SLC24A2: variants seen among roughly 807,000 people sequenced by gnomAD.
SLC24A2 encodes the protein solute carrier family 24 member 2, also known as sodium/potassium/calcium exchanger 2.
In SLC24A2, 36 loss-of-function variants were observed where a neutral mutation model predicts 62.0. That is an observed-to-expected ratio of 0.58 (90% CI 0.44 to 0.77). SLC24A2 has a LOEUF of 0.77. SLC24A2 is among the 30% of genes least tolerant of loss of function. The pLI, the probability that SLC24A2 is intolerant of heterozygous loss-of-function variation, is 0.00. For missense variants in SLC24A2, 846 were observed against 817.9 expected (o/e 1.03, Z -0.42); for synonymous variants, 358 against 294.0 (o/e 1.22, Z -2.23).
the SLC24A2 span, among the ~76,000 whole-genome samples, chr9:19,963,249 T>C: frequency 4.1e-5 from 6 of 145,386 alleles, no homozygotes; most frequent in East Asian, 1.2e-3. Context: ...ATGTTAGACC[T>C]AAAACCATAA....
intron 2 of SLC24A2, among the ~76,000 whole-genome samples, chr9:19,724,388 G>C (rs1371760349): frequency 6.6e-6 from 1 of 152,250 alleles, no homozygotes; most frequent in Middle Eastern, 3.4e-3. Flanking sequence ...CATTATCTTT[G>C]AGAAAGGTGA....
At chr9:19,524,002 A>T (rs1036621505) in intron 9 of SLC24A2, among the ~76,000 whole-genome samples, 2 of 152,044 alleles carry the variant, frequency 1.3e-5, no homozygotes, top group African/African-American at 4.8e-5. Context: ...CACTCAAGTT[A>T]ACTTTTGTCA....
the SLC24A2 span, among the ~76,000 whole-genome samples, chr9:20,068,874 A>AT: frequency 6.6e-6 from 1 of 151,992 alleles, no homozygotes; most frequent in African/African-American, 2.4e-5. Context: ...TCTGGTTTCA[A>AT]TTTTTCATGT....
At chr9:19,755,763 C>A (rs764571479) in intron 2 of SLC24A2, among the ~76,000 whole-genome samples, 2 of 151,420 alleles carry the variant, frequency 1.3e-5, no homozygotes, top group African/African-American at 2.5e-5. Context: ...AGCCAACGTG[C>A]TAGTCAGAAC....
chr9:20,203,638 G>A, the SLC24A2 span, among the ~76,000 whole-genome samples: 9 of 151,742 alleles, frequency 5.9e-5, no homozygotes, highest in African/African-American at 1.5e-4. Flanking sequence ...GGGGCCAAGA[G>A]TTCAAGACCA....
At chr9:19,995,576 T>C in the SLC24A2 span, among the ~76,000 whole-genome samples, 1 of 152,208 alleles carries the variant, frequency 6.6e-6, no homozygotes, top group African/African-American at 2.4e-5. Context: ...TTAAGAATGA[T>C]CATAACTAAT....
At chr9:19,760,979 G>C (rs1822306054) in intron 2 of SLC24A2, among the ~76,000 whole-genome samples, 1 of 152,078 alleles carries the variant, frequency 6.6e-6, no homozygotes, top group East Asian at 1.9e-4. Flanking sequence ...AAGTTAAGGA[G>C]TGCATCACAC....
At chr9:20,158,984 C>G in the SLC24A2 span, among the ~76,000 whole-genome samples, 1 of 151,658 alleles carries the variant, frequency 6.6e-6, no homozygotes, top group East Asian at 2.0e-4. Context: ...GATCTTCAGA[C>G]AAAATGATCA....
At chr9:19,738,472 A>G (rs1197730029) in intron 2 of SLC24A2, among the ~76,000 whole-genome samples, 1 of 152,190 alleles carries the variant, frequency 6.6e-6, no homozygotes, top group Non-Finnish European at 1.5e-5. Context: ...ATGTTGGTCT[A>G]AAAGTGGTAT....
chr9:19,990,393 C>T, the SLC24A2 span, among the ~76,000 whole-genome samples: 18 of 151,960 alleles, frequency 1.2e-4, no homozygotes, highest in Admixed American at 7.2e-4. Context: ...GGGTGGATCA[C>T]GAGGTCAAGA....
At chr9:19,653,837 G>C (rs1402427726) in intron 2 of SLC24A2, among the ~76,000 whole-genome samples, 2 of 152,170 alleles carry the variant, frequency 1.3e-5, no homozygotes, top group East Asian at 3.8e-4. Context: ...AGTCTCACCT[G>C]CTGGCCCTCA....
chr9:20,149,710 T>G, the SLC24A2 span, among the ~76,000 whole-genome samples: 2 of 152,018 alleles, frequency 1.3e-5, no homozygotes, highest in African/African-American at 4.8e-5. Context: ...TTCCAACTAT[T>G]TAAAAATGTA....
At chr9:20,147,212 G>C in the SLC24A2 span, among the ~76,000 whole-genome samples, 1 of 152,130 alleles carries the variant, frequency 6.6e-6, no homozygotes, top group African/African-American at 2.4e-5. Context: ...ATTGCCTGGA[G>C]AAAGGTTATA....
Position 19,636,390 on chromosome 9 carries a change from C to CCTCTCTCTCT in SLC24A2, c.931-14101_931-14092dup, listed in dbSNP as rs199847385. Among the ~76,000 whole-genome samples, 117 of 67,020 alleles carry CCTCTCTCTCT rather than the reference C, an allele frequency of 1.7e-3. 9 individuals are homozygous for CCTCTCTCTCT. The highest frequency in any genetic ancestry group is 7.5e-3 in the Middle Eastern group (1 of 134). The allele number at this position is 67,020 out of a possible 152,430, so 44.0% of individuals were successfully genotyped here. On this transcript the variant is annotated intron_variant, in intron 2 of 10. Coordinates refer to ENST00000341998, the MANE Select transcript of SLC24A2 (RefSeq NM_020344.4). ...TTCTTTCTTTCTTTCTTTCTTTCTC[C>CCTCTCTCTCT]CTCTCTCTCTCTCTCTCTTTCTTTC... is the stretch of plus-strand genomic sequence containing the variant.
chr9:19,874,358 A>C, the SLC24A2 span, among the ~76,000 whole-genome samples: 1 of 152,042 alleles, frequency 6.6e-6, no homozygotes, highest in Non-Finnish European at 1.5e-5. Context: ...CAGAATAGAG[A>C]AGTGTTGCCC....
intron 2 of SLC24A2, among the ~76,000 whole-genome samples, chr9:19,703,011 C>A (rs114126358): frequency 2.6e-5 from 4 of 152,004 alleles, no homozygotes. Context: ...CAATATTGTT[C>A]AGTTCCTTTC....
At chr9:20,290,419 G>C in the SLC24A2 span, among the ~76,000 whole-genome samples, 889 of 152,304 alleles carry the variant, frequency 5.8e-3, 4 homozygotes, top group Middle Eastern at 0.02. Context: ...TGTAATCTGG[G>C]CTCTCCCTCC....
At chr9:20,257,682 T>C in the SLC24A2 span, among the ~76,000 whole-genome samples, 2 of 152,234 alleles carry the variant, frequency 1.3e-5, no homozygotes, top group Non-Finnish European at 1.5e-5. Flanking sequence ...CATCTCTAAA[T>C]TTCTTTCTTC....
chr9:20,237,361 A>G, the SLC24A2 span, among the ~76,000 whole-genome samples: 10 of 152,324 alleles, frequency 6.6e-5, 1 homozygote, highest in East Asian at 1.9e-3. Context: ...GGCTGGAAAA[A>G]GTTAAGTCTA....
Sources: gnomAD v4.1 joint callset for allele counts (sites outside exome capture counted in the v4.1 genomes callset) on GRCh38, gnomAD v4.1.1 for gene constraint, MANE v1.5 for transcripts, NCBI Gene and HGNC (gene_info 2026-07-23, HGNC 2026-07-21) for gene names.